ARHGAP39: variants seen among roughly 807,000 people sequenced by gnomAD.
ARHGAP39 encodes the protein rho GTPase-activating protein 39.
Under a neutral mutation model 106.9 loss-of-function variants are expected in ARHGAP39, and 44 were observed. That is an observed-to-expected ratio of 0.41 (90% CI 0.32 to 0.53). The LOEUF (loss-of-function observed/expected upper bound fraction) is 0.53, where lower values mean the gene tolerates loss of function less well. ARHGAP39 is among the 20% of genes least tolerant of loss of function. The probability of loss-of-function intolerance (pLI) is 0.21; values close to 1 mark genes in which losing one functional copy is unlikely to be tolerated. For missense variants in ARHGAP39, 1,496 were observed against 1,577.3 expected, an observed-to-expected ratio of 0.95 and a Z score of 0.87; for synonymous variants, 768 against 693.2, an observed-to-expected ratio of 1.11 and a Z score of -1.69.
At chr8:144,622,132 C>T (rs2954333) in intron 1 of ARHGAP39, among the ~76,000 whole-genome samples, 135,663 of 152,174 alleles carry the variant, frequency 0.89, 61,969 homozygotes, top group Non-Finnish European at 1. Flanking sequence ...CCCACGGCCT[C>T]GTGCCAGCAG....
chr8:144,650,222 A>G (rs1447255507), intron 1 of ARHGAP39, among the ~76,000 whole-genome samples: 1 of 152,200 alleles, frequency 6.6e-6, no homozygotes, highest in Non-Finnish European at 1.5e-5. Context: ...TTCCCTAAAC[A>G]GACAATTAAC....
chr8:144,603,182 TGTGTGTGTGCGTGGAGGC>T (rs1563702126), intron 2 of ARHGAP39, among the ~76,000 whole-genome samples: 1 of 144,794 alleles, frequency 6.9e-6, no homozygotes. Context: ...CTCATGTACC[TGTGTGTGTGCGTGGAGGC>T]GTGTGTGTGC....
intron 11 of ARHGAP39, 39 bp from the exon 12 acceptor site, chr8:144,530,655 CGGGG>C: frequency 3.2e-6 from 1 of 310,960 alleles, no homozygotes; most frequent in Non-Finnish European, 3.9e-6. Flanking sequence ...GGGGCGGGGG[CGGGG>C]CGGGGAGGGG....
intron 1 of ARHGAP39, among the ~76,000 whole-genome samples, chr8:144,612,151 A>T (rs1263626317): frequency 6.6e-6 from 1 of 151,776 alleles, no homozygotes; most frequent in African/African-American, 2.4e-5. Context: ...GCTGCACTCC[A>T]GCCAGGGCGA....
chr8:144,681,262 T>C (rs939367379), intron 1 of ARHGAP39, among the ~76,000 whole-genome samples: 15 of 152,160 alleles, frequency 9.9e-5, no homozygotes, highest in South Asian at 4.1e-4. Context: ...ATTTCACTTG[T>C]TGAAGCAAGA....
chr8:144,618,947 C>T lies in ARHGAP39; in HGVS notation c.-81-13252G>A, dbSNP rs988377818. ...ACAACCCTATGAGGCAGGTGTGCTC[C>T]GTCCTCATCCTCGTCCTGCAGACGT... is the stretch of plus-strand genomic sequence containing the variant. On this transcript the variant is annotated intron_variant, in intron 1 of 11. Transcript: ENST00000377307. 1.5e-4 allele frequency among the ~76,000 whole-genome samples: 23 copies of T among 152,340 alleles called. No individual in the cohort carries two copies. The East Asian group carries it at 4.1e-3, about 27-fold the overall frequency.
chr8:144,635,516 GC>G (rs1326475464), intron 1 of ARHGAP39, among the ~76,000 whole-genome samples: 2 of 152,190 alleles, frequency 1.3e-5, no homozygotes, highest in Non-Finnish European at 2.9e-5. Flanking sequence ...ATCAATGTAA[GC>G]TTCCCAAAAT....
At chr8:144,619,845 C>A (rs550785007) in intron 1 of ARHGAP39, among the ~76,000 whole-genome samples, 1 of 118,470 alleles carries the variant, frequency 8.4e-6, no homozygotes, top group Non-Finnish European at 1.7e-5. Context: ...TGCCCATGTG[C>A]GAGCTTGTGT....
At chr8:144,601,895 A>G (rs1819985339) in intron 2 of ARHGAP39, among the ~76,000 whole-genome samples, 1 of 111,600 alleles carries the variant, frequency 9.0e-6, no homozygotes, top group Non-Finnish European at 1.8e-5. Context: ...GTGTCCATGG[A>G]GGCGTGCATG....
intron 2 of ARHGAP39, among the ~76,000 whole-genome samples, chr8:144,583,083 C>T (rs150607839): frequency 0.027 from 4,134 of 152,246 alleles, 76 homozygotes; most frequent in Non-Finnish European, 0.043. Context: ...CAGGGGCCAC[C>T]CCCGCTCTGG....
chr8:144,683,308 CTG>C (rs1822477906), intron 1 of ARHGAP39: 1 of 150,016 alleles, frequency 6.7e-6, no homozygotes, highest in African/African-American at 2.4e-5. Flanking sequence ...GAGCGAGACT[CTG>C]TCTCAAAAAT....
intron 3 of ARHGAP39, among the ~76,000 whole-genome samples, chr8:144,562,305 GGCTCC>G (rs1818213770): frequency 1.6e-5 from 1 of 61,538 alleles, no homozygotes. Flanking sequence ...GTTTCCATCG[GGCTCC>G]AGTGGTTTCC....
chr8:144,665,977 T>G (rs914447498), intron 1 of ARHGAP39, among the ~76,000 whole-genome samples: 73 of 152,242 alleles, frequency 4.8e-4, no homozygotes, highest in African/African-American at 1.7e-3. Flanking sequence ...AACGTCAGCC[T>G]GTGAAAGCAG....
chr8:144,602,530 G>C (rs1286331070), intron 2 of ARHGAP39, among the ~76,000 whole-genome samples: 2 of 139,016 alleles, frequency 1.4e-5, no homozygotes, highest in Non-Finnish European at 3.1e-5. Flanking sequence ...ATGTGTGCTC[G>C]TGTACCTGTG....
intron 2 of ARHGAP39, among the ~76,000 whole-genome samples, chr8:144,599,090 G>A (rs1011314734): frequency 4.6e-5 from 7 of 152,172 alleles, no homozygotes; most frequent in South Asian, 4.1e-4. Flanking sequence ...TGACGGCCCC[G>A]ATGGCCCGGG....
the ARHGAP39 span, chr8:144,699,129 G>T: frequency 1.6e-5 from 5 of 316,170 alleles, no homozygotes; most frequent in Admixed American, 4.5e-5. Flanking sequence ...GGCGATGCAG[G>T]GGGTGGGGAC....
intron 7 of ARHGAP39, among the ~76,000 whole-genome samples, chr8:144,534,465 G>A (rs543890477): frequency 9.8e-5 from 15 of 152,320 alleles, no homozygotes; most frequent in African/African-American, 1.7e-4. Context: ...CTACGGCCAC[G>A]CAGGAACAGG....
chr8:144,547,820 G>A lies in ARHGAP39; in HGVS notation c.1266C>T (p.Pro422=), dbSNP rs772017834. The change falls in exon 5 of 12, where the codon CCC becomes CCT. Residue 422 remains proline, a synonymous_variant. Coordinates refer to ENST00000377307, the MANE Select transcript of ARHGAP39 (RefSeq NM_025251.3). The surrounding 1 kb of genome is among the most constrained non-coding windows in gnomAD (Gnocchi z 5.2). The stretch of plus-strand genomic sequence containing the variant: ...GCTGCAAGGAGTACGAACCACCGCC[G>A]GGGTTGGGCGCGTACTTGTGCCGCG... ...AGPRHKYAPN[P]GGGSYSLQPS... is the part of the protein sequence containing the mutation. The A allele has an allele frequency of 1.9e-6, 3 of 1,591,212 alleles. No homozygotes were observed. The highest frequency in any genetic ancestry group is 1.7e-6 in the Non-Finnish European group (2 of 1,171,134).
intron 9 of ARHGAP39, among the ~76,000 whole-genome samples, 158 bp downstream of exon 9, chr8:144,532,968 C>G (rs1451333775): frequency 6.6e-6 from 1 of 152,232 alleles, no homozygotes; most frequent in Non-Finnish European, 1.5e-5. Flanking sequence ...CCCTCAGGGT[C>G]AGCTTCCACA....
Sources: gnomAD v4.1 joint callset for allele counts (sites outside exome capture counted in the v4.1 genomes callset) on GRCh38, gnomAD v4.1.1 for gene constraint, Gnocchi (gnomAD v3.1) non-coding constraint, MANE v1.5 for transcripts, NCBI Gene and HGNC (gene_info 2026-07-23, HGNC 2026-07-21) for gene names.